Variants in OSBPL1A observed in about 807,000 individuals in gnomAD.
The protein encoded by OSBPL1A is oxysterol binding protein like 1A.
OSBPL1A carries 80 observed loss-of-function variants against 137.1 expected under a neutral mutation model. That is an observed-to-expected ratio of 0.58 (90% CI 0.49 to 0.70). The LOEUF is 0.70. OSBPL1A is among the 30% of genes least tolerant of loss of function. The pLI, the probability that OSBPL1A is intolerant of heterozygous loss-of-function variation, is 0.00. For missense variants in OSBPL1A, 970 were observed against 1,129.4 expected, an observed-to-expected ratio of 0.86 and a Z score of 2.02; for synonymous variants, 365 against 389.7, an observed-to-expected ratio of 0.94 and a Z score of 0.75.
intron 12 of OSBPL1A, among the ~76,000 whole-genome samples, chr18:24,312,802 A>G (rs988303558): frequency 6.6e-6 from 1 of 152,194 alleles, no homozygotes; most frequent in Non-Finnish European, 1.5e-5. Context: ...TAGTTTACCA[A>G]AAAATCAAGA....
At position 24,235,127 on chromosome 18, in the gene OSBPL1A, G is replaced by T. The variant is rs1567964948; in HGVS notation, c.1444+4093C>A. ...AACCACTGAAAAATTCTAGGTGAGG[G>T]AATGCGATGATGTGATTGTCAACAA... On this transcript the variant is annotated intron_variant, in intron 16 of 27. Coordinates refer to ENST00000319481, the MANE Select transcript of OSBPL1A (RefSeq NM_080597.4). Among the ~76,000 whole-genome samples, 9 of 152,140 alleles carry T rather than the reference G, an allele frequency of 5.9e-5. No individual in the cohort carries two copies. In the South Asian group the frequency reaches 1.7e-3, roughly 28 times the overall value.
At chr18:24,395,869 G>A (rs961266289) in intron 1 of OSBPL1A, among the ~76,000 whole-genome samples, 3 of 150,066 alleles carry the variant, frequency 2.0e-5, no homozygotes, top group Admixed American at 6.6e-5. Flanking sequence ...TGATCCGCCC[G>A]CCTCGGCCTC....
rs117028598 is a variant in OSBPL1A, at chr18:24,289,008, A to G, written c.1175-8060T>C. ...GAATGGGAGAACTGATCAACAAAAT[A>G]TATTTGGAGAAAGAGGAAGAACAAT... On this transcript the variant is annotated intron_variant, in intron 14 of 27. Coordinates refer to ENST00000319481, the MANE Select transcript of OSBPL1A (RefSeq NM_080597.4). Among the ~76,000 whole-genome samples the G allele has an allele frequency of 1.9e-3, 295 of 152,292 alleles. 1 individual carries two copies. Among genetic ancestry groups the G allele is most frequent in the South Asian group, 0.015 (74 of 4,830 alleles).
intron 15 of OSBPL1A, among the ~76,000 whole-genome samples, chr18:24,272,655 T>G (rs1051139461): frequency 6.6e-6 from 1 of 152,196 alleles, no homozygotes; most frequent in Non-Finnish European, 1.5e-5. Flanking sequence ...TTTCAAACCT[T>G]TCACCTTACT....
At chr18:24,195,897 G>C (rs1050504041) in intron 18 of OSBPL1A, 6 of 486,432 alleles carry the variant, frequency 1.2e-5, no homozygotes, top group African/African-American at 1.2e-4. Context: ...GGCATTTTCA[G>C]TTTCTGTTTG....
At chr18:24,288,005 C>T (rs1347500501) in intron 14 of OSBPL1A, among the ~76,000 whole-genome samples, 2 of 152,144 alleles carry the variant, frequency 1.3e-5, no homozygotes, top group Non-Finnish European at 2.9e-5. Context: ...TTTGCTTGCT[C>T]TTTCTGTCCC....
chr18:24,329,237 C>T (rs2848614), intron 7 of OSBPL1A, among the ~76,000 whole-genome samples: 1 of 151,810 alleles, frequency 6.6e-6, no homozygotes, highest in Admixed American at 6.6e-5. Context: ...AAGGGTGAGA[C>T]CCCATCTCTA....
rs113828928 is a variant in OSBPL1A, at chr18:24,328,189, C to G, written c.625+4753G>C. 7.5e-3 allele frequency among the ~76,000 whole-genome samples: 1,089 copies of G among 144,752 alleles called. 5 individuals are homozygous for G. The highest frequency in any genetic ancestry group is 0.012 in the Non-Finnish European group (821 of 66,794). 95.0% of individuals were successfully genotyped at this position (144,752 alleles called of 152,430 possible). A position where few individuals can be genotyped will look rare whatever the true frequency, so the allele number is the denominator to read the frequency against. On this transcript the variant is annotated intron_variant, in intron 7 of 27. Transcript: ENST00000319481. ...CCCAAGTAGCTGGGACTACCAGGTA[C>G]GTGCCACCACGCCCGGCTAATTTTT...
intron 18 of OSBPL1A, among the ~76,000 whole-genome samples, chr18:24,185,601 G>A (rs925246510): frequency 6.6e-6 from 1 of 152,154 alleles, no homozygotes; most frequent in Non-Finnish European, 1.5e-5. Flanking sequence ...TTACAGGCAT[G>A]AGCCACTGCA....
At chr18:24,377,204 C>T (rs1190680039) in intron 2 of OSBPL1A, among the ~76,000 whole-genome samples, 1 of 152,204 alleles carries the variant, frequency 6.6e-6, no homozygotes, top group Non-Finnish European at 1.5e-5. Context: ...TATTTGGGAT[C>T]CATAACAATT....
At chr18:24,188,696 T>G (rs895764752) in intron 18 of OSBPL1A, among the ~76,000 whole-genome samples, 1 of 152,216 alleles carries the variant, frequency 6.6e-6, no homozygotes, top group Non-Finnish European at 1.5e-5. Flanking sequence ...TTTTAAAATA[T>G]AGCAACTTAC....
chr18:24,377,471 T>TA lies in OSBPL1A; in HGVS notation c.62dup (p.Arg22LysfsTer11). 6 of 1,612,692 alleles carry TA rather than the reference T, an allele frequency of 3.7e-6. No individual in the cohort carries two copies. Among genetic ancestry groups the TA allele is most frequent in the Non-Finnish European group, 5.1e-6 (6 of 1,179,746 alleles). On this transcript the variant is annotated frameshift_variant, in exon 2 of 28. Transcript: ENST00000319481. LOFTEE classifies it high-confidence loss of function. ...TCGCCATGGTCTCTAATAGTTGTCT[T>TA]ACTTCTTCAGCATTGCCATTTCTGG...
In OSBPL1A at chr18:24,317,309, A is replaced by C. The variant is rs1183329971; in HGVS notation, c.806+18T>G. 2 of 1,610,708 alleles carry C rather than the reference A, an allele frequency of 1.2e-6. No homozygotes were observed. The highest frequency in any genetic ancestry group is 1.3e-5 in the African/African-American group (1 of 74,854). On this transcript the variant is annotated intron_variant, in intron 10 of 27. Transcript: ENST00000319481. ...TTATACAGTGAAATTTGATAAGTGTAAAGATCATAATACTTACTGTTTCCT... is the reference window on the plus strand; with the variant it reads ...TTATACAGTGAAATTTGATAAGTGTCAAGATCATAATACTTACTGTTTCCT...
chr18:24,220,554 C>T (rs1052483642), intron 17 of OSBPL1A, among the ~76,000 whole-genome samples: 1 of 152,180 alleles, frequency 6.6e-6, no homozygotes, highest in Non-Finnish European at 1.5e-5. Flanking sequence ...CTGGCTCATT[C>T]TGGGCAGGGC....
chr18:24,263,937 T>C (rs949492219), intron 15 of OSBPL1A, among the ~76,000 whole-genome samples: 3 of 152,152 alleles, frequency 2.0e-5, no homozygotes, highest in Non-Finnish European at 2.9e-5. Context: ...ACGTTCAGCC[T>C]ATTCCTAACA....
intron 2 of OSBPL1A, among the ~76,000 whole-genome samples, chr18:24,370,813 A>ACCACCAC (rs1905566606): frequency 6.6e-6 from 1 of 152,124 alleles, no homozygotes; most frequent in African/African-American, 2.4e-5. Context: ...GACCACAGGC[A>ACCACCAC]TGCGCCACCA....
At chr18:24,184,710 C>T (rs544014843) in intron 18 of OSBPL1A, among the ~76,000 whole-genome samples, 2 of 152,294 alleles carry the variant, frequency 1.3e-5, no homozygotes, top group Non-Finnish European at 1.5e-5. Flanking sequence ...TATACCCCAT[C>T]TACATGCCCC....
intron 17 of OSBPL1A, among the ~76,000 whole-genome samples, chr18:24,209,418 A>G (rs2087469343): frequency 6.6e-6 from 1 of 152,230 alleles, no homozygotes; most frequent in Admixed American, 6.5e-5. Context: ...TGGAGCAACT[A>G]AAATTCTTAC....
At chr18:24,377,718 T>C (rs899993668) in intron 1 of OSBPL1A, among the ~76,000 whole-genome samples, 183 bp from the exon 2 acceptor site, 4 of 152,214 alleles carry the variant, frequency 2.6e-5, no homozygotes, top group African/African-American at 4.8e-5. Context: ...TTCCTATTAT[T>C]ATTGAAGCAG....
Sources: gnomAD v4.1 joint callset for allele counts (sites outside exome capture counted in the v4.1 genomes callset) on GRCh38, gnomAD v4.1.1 for gene constraint, MANE v1.5 for transcripts, NCBI Gene and HGNC (gene_info 2026-07-23, HGNC 2026-07-21) for gene names.